The following COG5 variants were observed in gnomAD, a reference collection of about 807,000 sequenced individuals.
COG5 encodes the protein component of oligomeric golgi complex 5.
A neutral mutation model predicts 110.4 loss-of-function variants in COG5; 86 were observed. That is an observed-to-expected ratio of 0.78 (90% CI 0.65 to 0.93). The LOEUF (loss-of-function observed/expected upper bound fraction) is 0.93, where lower values mean the gene tolerates loss of function less well. Ranked by LOEUF, COG5 falls within the 40% of genes least tolerant of loss-of-function variation. The probability of loss-of-function intolerance (pLI) is 0.00; values close to 1 mark genes in which losing one functional copy is unlikely to be tolerated. For missense variants in COG5, 1,077 were observed against 987.0 expected (o/e 1.09, Z -1.22); for synonymous variants, 360 against 334.6 (o/e 1.08, Z -0.83).
intron 17 of COG5, 74 bp downstream of exon 17, chr7:107,248,322 G>T: frequency 1.1e-6 from 1 of 948,720 alleles, no homozygotes; most frequent in South Asian, 1.3e-5. Flanking sequence ...GGGCAGCTTA[G>T]GGAGTAAGCA....
At chr7:107,476,888 T>A (rs1021224209) in intron 6 of COG5, among the ~76,000 whole-genome samples, 1 of 151,680 alleles carries the variant, frequency 6.6e-6, no homozygotes, top group African/African-American at 2.4e-5. Flanking sequence ...CCCTAATCCT[T>A]GGAGAAATGA....
chr7:107,278,152 T>C (rs529705502), intron 14 of COG5, among the ~76,000 whole-genome samples: 1 of 152,344 alleles, frequency 6.6e-6, no homozygotes, highest in East Asian at 1.9e-4. Flanking sequence ...AGTCACTCTT[T>C]CTGAAAACAT....
rs752578907 is a variant in COG5, at chr7:107,475,377, T to G, written c.538+51860A>C. 7.5e-6 allele frequency: 9 copies of G among 1,202,968 alleles called. No individual in the cohort carries two copies. The South Asian group carries it at 1.1e-4, about 15-fold the overall frequency. 74.5% of individuals were successfully genotyped at this position (1,202,968 alleles called of 1,614,324 possible). On this transcript the variant is annotated intron_variant, in intron 6 of 21. Coordinates refer to ENST00000297135, the MANE Select transcript of COG5 (RefSeq NM_006348.5). ...TCACAGACTAGAGAAAAGTCTCAGT[T>G]TCACCAAATCCACATTCAAATGAGT... is the stretch of plus-strand genomic sequence containing the variant.
chr7:107,302,943 ATTTG>A (rs1246274233), intron 11 of COG5, among the ~76,000 whole-genome samples: 1 of 152,204 alleles, frequency 6.6e-6, no homozygotes, highest in Non-Finnish European at 1.5e-5. Flanking sequence ...TTCTAAACAT[ATTTG>A]TTTGAAGTAT....
chr7:107,485,715 C>A (rs1797620253), intron 6 of COG5, among the ~76,000 whole-genome samples: 1 of 152,092 alleles, frequency 6.6e-6, no homozygotes, highest in East Asian at 1.9e-4. Context: ...TAGCACTTAG[C>A]CCTCACTTAA....
intron 14 of COG5, among the ~76,000 whole-genome samples, chr7:107,259,596 G>T (rs143031358): frequency 6.6e-6 from 1 of 151,802 alleles, no homozygotes; most frequent in Non-Finnish European, 1.5e-5. Context: ...GGGCAGGGGG[G>T]GTCAAATGCT....
chr7:107,417,995 C>T (rs1289901348), intron 6 of COG5, among the ~76,000 whole-genome samples: 2 of 152,118 alleles, frequency 1.3e-5, no homozygotes, highest in Non-Finnish European at 2.9e-5. Context: ...TCTCAGAACA[C>T]AATCATAAAA....
intron 14 of COG5, 160 bp from the exon 15 acceptor site, chr7:107,258,543 G>A: frequency 1.5e-6 from 1 of 652,282 alleles, no homozygotes; most frequent in Non-Finnish European, 2.8e-6. Flanking sequence ...GAAATATTCA[G>A]GTCAACTTAA....
chr7:107,236,054 T>C (rs1490066962), intron 18 of COG5, among the ~76,000 whole-genome samples: 1 of 152,228 alleles, frequency 6.6e-6, no homozygotes, highest in African/African-American at 2.4e-5. Flanking sequence ...AATGGTGACA[T>C]GGCAACAAGC....
intron 7 of COG5, among the ~76,000 whole-genome samples, chr7:107,408,653 G>A (rs1792045333): frequency 6.6e-6 from 1 of 152,208 alleles, no homozygotes; most frequent in African/African-American, 2.4e-5. Flanking sequence ...GTCATAGAGT[G>A]TTTGGATTTC....
chr7:107,301,044 T>C (rs1036086351), intron 11 of COG5, among the ~76,000 whole-genome samples: 7 of 152,132 alleles, frequency 4.6e-5, no homozygotes, highest in Admixed American at 6.5e-5. Context: ...CACAATTTAG[T>C]AGACACAGGG....
chr7:107,553,630 A>G (rs1306683876), intron 3 of COG5, among the ~76,000 whole-genome samples: 1 of 152,222 alleles, frequency 6.6e-6, no homozygotes, highest in Non-Finnish European at 1.5e-5. Context: ...TATGAGATGT[A>G]GTTTAATTTA....
At chr7:107,333,640 C>T (rs1442959689) in intron 10 of COG5, among the ~76,000 whole-genome samples, 1 of 152,058 alleles carries the variant, frequency 6.6e-6, no homozygotes, top group Non-Finnish European at 1.5e-5. Context: ...AAAATAAATA[C>T]AGATAAACAC....
intron 5 of COG5, among the ~76,000 whole-genome samples, chr7:107,538,377 T>C (rs560463862): frequency 6.6e-6 from 1 of 152,238 alleles, no homozygotes; most frequent in Non-Finnish European, 1.5e-5. Flanking sequence ...CTCAAGCTCA[T>C]CTATAAAACT....
At chr7:107,327,344 A>C (rs1038905380) in intron 10 of COG5, among the ~76,000 whole-genome samples, 1 of 152,080 alleles carries the variant, frequency 6.6e-6, no homozygotes, top group Non-Finnish European at 1.5e-5. Context: ...TAACTCCTAG[A>C]AAAAAAACAT....
At chr7:107,419,384 C>A (rs1455269760) in intron 6 of COG5, among the ~76,000 whole-genome samples, 3 of 151,640 alleles carry the variant, frequency 2.0e-5, no homozygotes, top group Non-Finnish European at 4.4e-5. Flanking sequence ...AATGCTTATT[C>A]CAACTAAAAA....
intron 12 of COG5, among the ~76,000 whole-genome samples, chr7:107,294,921 GTGTA>G (rs1350337890): frequency 0.013 from 786 of 59,158 alleles, 2 homozygotes; most frequent in South Asian, 0.037. Context: ...GTGTGTGTGT[GTGTA>G]TATATACACA....
chr7:107,248,252 T>C, intron 17 of COG5, 144 bp downstream of exon 17: 1 of 666,216 alleles, frequency 1.5e-6, no homozygotes. Context: ...TCACAATGGG[T>C]AATGAAGAGG....
chr7:107,522,420 A>G (rs1584929230), intron 6 of COG5, among the ~76,000 whole-genome samples: 1 of 152,072 alleles, frequency 6.6e-6, no homozygotes, highest in African/African-American at 2.4e-5. Context: ...GTGAGCGGAG[A>G]TTGCGCCATT....
Sources: gnomAD v4.1 joint callset for allele counts (sites outside exome capture counted in the v4.1 genomes callset) on GRCh38, gnomAD v4.1.1 for gene constraint, MANE v1.5 for transcripts, NCBI Gene and HGNC (gene_info 2026-07-23, HGNC 2026-07-21) for gene names.